Variants in TOX4 observed in about 807,000 individuals in gnomAD.
TOX4 encodes TOX high mobility group box family member 4, also known as epidermal Langerhans cell protein LCP1.
Under a neutral mutation model 61.0 loss-of-function variants are expected in TOX4, and 12 were observed. The observed-to-expected ratio is 0.20, with a 90% CI of 0.13 to 0.32. The LOEUF (loss-of-function observed/expected upper bound fraction) is 0.32, where lower values mean the gene tolerates loss of function less well. Ranked by LOEUF, TOX4 falls within the 10% of genes least tolerant of loss-of-function variation. The probability of loss-of-function intolerance (pLI) is 1.00; values close to 1 mark genes in which losing one functional copy is unlikely to be tolerated. For synonymous variants in TOX4, 268 were observed against 274.8 expected (o/e 0.98, Z 0.24); for missense variants, 499 against 753.3 (o/e 0.66, Z 3.95).
At chr14:21,480,881 G>A (rs1029362637) in intron 2 of TOX4, among the ~76,000 whole-genome samples, 2 of 152,064 alleles carry the variant, frequency 1.3e-5, no homozygotes, top group Admixed American at 6.6e-5. Context: ...ACCTGAGGTC[G>A]GGAGTTCAAG....
chr14:21,477,657 G>T (rs1262963880), intron 2 of TOX4, 93 bp downstream of exon 2: 13 of 1,440,778 alleles, frequency 9.0e-6, no homozygotes, highest in Non-Finnish European at 1.1e-5. Flanking sequence ...GGGGACGGGG[G>T]CTGGGAACCA....
intron 2 of TOX4, among the ~76,000 whole-genome samples, chr14:21,481,287 T>C (rs1207347792): frequency 2.0e-5 from 3 of 152,074 alleles, no homozygotes; most frequent in African/African-American, 7.2e-5. Context: ...CAAGCAACTC[T>C]CGTGCATCAA....
chr14:21,498,029 C>T lies in TOX4; in HGVS notation c.*1423C>T. On this transcript the variant is annotated 3_prime_UTR_variant, in exon 9 of 9. Coordinates refer to ENST00000448790, the MANE Select transcript of TOX4 (RefSeq NM_014828.4). ...TCCCATGCACTCATTTAGTTTGAAC[C>T]TTCACAGCAACCCAATGAGGTAATA... 2.0e-6 allele frequency: 1 copy of T among 510,606 alleles called. No individual in the cohort carries two copies. Among genetic ancestry groups the T allele is most frequent in the South Asian group, 2.6e-5 (1 of 38,958 alleles). 31.6% of individuals were successfully genotyped at this position (510,606 alleles called of 1,614,324 possible).
Position 21,498,775 on chromosome 14 carries a change from G to A in TOX4, c.*2169G>A, listed in dbSNP as rs112325189. The A allele has an allele frequency of 1.6e-5, 8 of 502,184 alleles. No individual in the cohort carries two copies. The Admixed American group carries it at 2.8e-4, about 18-fold the overall frequency. 31.1% of individuals were successfully genotyped at this position (502,184 alleles called of 1,614,324 possible). A position where few individuals can be genotyped will look rare whatever the true frequency, so the allele number is the denominator to read the frequency against. On this transcript the variant is annotated 3_prime_UTR_variant, in exon 9 of 9. Transcript: ENST00000448790. ...ATTCAATACATCACAGAATGGCTGAGGAAGATCCTTGGGTTGTGAAGAGAG... is the reference window on the plus strand; with the variant it reads ...ATTCAATACATCACAGAATGGCTGAAGAAGATCCTTGGGTTGTGAAGAGAG...
rs755297449 is a variant in TOX4 at position 21,496,541 on chromosome 14, C to G, written c.1806-5C>G. The G allele has an allele frequency of 6.2e-7, 1 of 1,611,092 alleles. No homozygotes were observed. Among genetic ancestry groups the G allele is most frequent in the African/African-American group, 1.3e-5 (1 of 74,868 alleles). ...TCTGTTTGTGTATGTCTTTTTCTCTCTTAGGGATGTATTCTTGGCCTGGGT... is the reference window on the plus strand; with the variant it reads ...TCTGTTTGTGTATGTCTTTTTCTCTGTTAGGGATGTATTCTTGGCCTGGGT... On this transcript the variant is annotated splice_polypyrimidine_tract_variant and splice_region_variant and intron_variant, in intron 8 of 8. Coordinates refer to ENST00000448790, the MANE Select transcript of TOX4 (RefSeq NM_014828.4).
At chr14:21,483,387 C>CTTTTTTTT (rs34480307) in intron 2 of TOX4, among the ~76,000 whole-genome samples, 1 of 143,228 alleles carries the variant, frequency 7.0e-6, no homozygotes. Context: ...GTTCCTATAA[C>CTTTTTTTT]TTTTTTTTTT....
chr14:21,477,217 C>T lies in TOX4; in HGVS notation c.-62C>T. The T allele has an allele frequency of 1.9e-6, 3 of 1,613,916 alleles. No individual in the cohort carries two copies. The highest frequency in any genetic ancestry group is 1.1e-5 in the South Asian group (1 of 91,066). ...GTCCTTGCGGAAGTGACGGCAGTTCCGAGTCCAGTGGGGGCGGTGGGAGCG... is the reference window on the plus strand; with the variant it reads ...GTCCTTGCGGAAGTGACGGCAGTTCTGAGTCCAGTGGGGGCGGTGGGAGCG... On this transcript the variant is annotated 5_prime_UTR_variant, in exon 1 of 9. Coordinates refer to ENST00000448790, the MANE Select transcript of TOX4 (RefSeq NM_014828.4).
intron 5 of TOX4, among the ~76,000 whole-genome samples, chr14:21,490,935 C>G (rs1891277867): frequency 6.6e-6 from 1 of 152,216 alleles, no homozygotes; most frequent in African/African-American, 2.4e-5. Flanking sequence ...AAGTGATTCT[C>G]CTGCCTCAGC....
rs951730441 is a variant in TOX4 at position 21,497,847 on chromosome 14, G to A, written c.*1241G>A. 1 of 155,006 alleles carries A rather than the reference G, an allele frequency of 6.5e-6. No individual in the cohort carries two copies. The highest frequency in any genetic ancestry group is 1.9e-4 in the East Asian group (1 of 5,292). The allele number at this position is 155,006 out of a possible 1,614,324, so 9.6% of individuals were successfully genotyped here. A position where few individuals can be genotyped will look rare whatever the true frequency, so the allele number is the denominator to read the frequency against. ...CAGCCTGCATTCCTGTTTTTTTAAT[G>A]GTTTTGGAGGGTAGCAGTAGAGATG... On this transcript the variant is annotated 3_prime_UTR_variant, in exon 9 of 9. Transcript: ENST00000448790.
At chr14:21,484,727 T>C in intron 2 of TOX4, among the ~76,000 whole-genome samples, 1 of 105,836 alleles carries the variant, frequency 9.4e-6, no homozygotes, top group African/African-American at 3.6e-5. Context: ...GGTGCAGTCT[T>C]GACTCACTGT....
At position 21,492,940 on chromosome 14, in the gene TOX4, C is replaced by T. The variant is rs766963498; in HGVS notation, c.1324C>T (p.Arg442Ter). ...AAASMQLPPP[R>*]LQPPPLQQMP... ...TGCTTCTATGCAACTGCCTCCACCC[C>T]GACTACAGCCCCCTCCATTACAACA... Residue 442 changes from arginine (R) to a stop codon, truncating the protein, a stop_gained, in exon 7 of 9, where the codon CGA becomes TGA. Coordinates refer to ENST00000448790, the MANE Select transcript of TOX4 (RefSeq NM_014828.4). LOFTEE classifies it high-confidence loss of function. 3.1e-6 allele frequency: 5 copies of T among 1,611,664 alleles called. No homozygotes were observed. Among genetic ancestry groups the T allele is most frequent in the Non-Finnish European group, 4.2e-6 (5 of 1,179,444 alleles).
chr14:21,478,012 C>T (rs1445906806), intron 2 of TOX4, among the ~76,000 whole-genome samples: 1 of 152,206 alleles, frequency 6.6e-6, no homozygotes, highest in Non-Finnish European at 1.5e-5. Flanking sequence ...TCTCGGCTCA[C>T]TGCAACCTCT....
chr14:21,488,746 G>T lies in TOX4; in HGVS notation c.475G>T (p.Gly159Cys), dbSNP rs769774255. Residue 159 changes from glycine to cysteine, a missense_variant, in exon 4 of 9, where the codon GGT (glycine) becomes TGT (cysteine). By Grantham distance (159) the Gly-to-Cys change is radical (BLOSUM62 -3). Transcript: ENST00000448790. The stretch of plus-strand genomic sequence containing the variant: ...TTCCCAGCTGGGTTTGAGCCTAGGG[G>T]GTGGCACCATCCTGCCACCTGCCCA... ...LSSQLGLSLG[G>C]GTILPPAQSP... 3.1e-6 allele frequency: 5 copies of T among 1,614,032 alleles called. No homozygotes were observed. Among genetic ancestry groups the T allele is most frequent in the Non-Finnish European group, 4.2e-6 (5 of 1,180,042 alleles).
In TOX4 at chr14:21,492,809, G is replaced by A. The variant is rs908505993; in HGVS notation, c.1193G>A (p.Arg398Gln). ...TVIPATVVTS[R>Q]GLQLGQTSTA... ...ATCCCAGCCACAGTGGTGACCTCCC[G>A]GGGGCTCCAACTAGGCCAAACCAGT... The change falls in exon 7 of 9, where the codon CGG becomes CAG. Residue 398 changes from arginine (R) to glutamine (Q), a missense_variant. Physicochemically the swap from Arg to Gln is conservative, Grantham distance 43 (BLOSUM62 1). Coordinates refer to ENST00000448790, the MANE Select transcript of TOX4 (RefSeq NM_014828.4). The A allele has an allele frequency of 5.6e-6, 9 of 1,613,888 alleles. No homozygotes were observed. The East Asian group carries it at 1.1e-4, about 20-fold the overall frequency.
At position 21,477,554 on chromosome 14, in the gene TOX4, C is replaced by T. The variant is rs777393283; in HGVS notation, c.65C>T (p.Ser22Leu). The T allele has an allele frequency of 1.2e-6, 2 of 1,613,598 alleles. No individual in the cohort carries two copies. Among genetic ancestry groups the T allele is most frequent in the Non-Finnish European group, 8.5e-7 (1 of 1,180,042 alleles). The change falls in exon 2 of 9, where the codon TCA becomes TTA. Residue 22 changes from serine (S) to leucine (L), a missense_variant. Ser to Leu is a moderately radical substitution (Grantham distance 145). Transcript: ENST00000448790. The part of the protein sequence containing the change: ...TITGPSHPFL[S>L]GAETFHTPSL... ...ACAGGGCCTTCGCACCCCTTCCTGT[C>T]AGGGGCCGAGGTGAGCCAGAGCTGC...
In TOX4 at chr14:21,489,246, A is replaced by G. The variant is rs2139625315; in HGVS notation, c.653A>G (p.Lys218Arg). The change falls in exon 5 of 9, where the codon AAA becomes AGA. Residue 218 changes from lysine to arginine, a missense_variant. Coordinates refer to ENST00000448790, the MANE Select transcript of TOX4 (RefSeq NM_014828.4). ...AAGGCCCCAAAGAAGAGAAAAAAGA[A>G]AGATCCTAATGAACCTCAGAAACCA... ...KQKAPKKRKKKDPNEPQKPVS... is the reference protein window; with the variant it reads ...KQKAPKKRKKRDPNEPQKPVS... The G allele has an allele frequency of 6.2e-7, 1 of 1,614,234 alleles. No homozygotes were observed. The highest frequency in any genetic ancestry group is 2.2e-5 in the East Asian group (1 of 44,890).
In TOX4 at chr14:21,498,493, A is replaced by C; in HGVS notation, c.*1887A>C. 1 of 868,314 alleles carries C rather than the reference A, an allele frequency of 1.2e-6. No individual in the cohort carries two copies. 53.8% of individuals were successfully genotyped at this position (868,314 alleles called of 1,614,324 possible). On this transcript the variant is annotated 3_prime_UTR_variant, in exon 9 of 9. Transcript: ENST00000448790. ...TATCAAATATGCCAATTCTAAAAAG[A>C]GCTTAACATTAGAATAGTATATGGT...
At chr14:21,492,153 T>C (rs1315967758) in intron 5 of TOX4, 143 bp from the exon 6 acceptor site, 3 of 775,112 alleles carry the variant, frequency 3.9e-6, no homozygotes, top group Non-Finnish European at 4.1e-6. Flanking sequence ...GACTGTTAGC[T>C]TTCAGAATTG....
chr14:21,492,649 T>G lies in TOX4; in HGVS notation c.1033T>G (p.Ser345Ala), dbSNP rs1238255383. The G allele has an allele frequency of 1.2e-6, 2 of 1,613,746 alleles. No homozygotes were observed. Among genetic ancestry groups the G allele is most frequent in the African/African-American group, 2.7e-5 (2 of 74,910 alleles). The change falls in exon 7 of 9, where the codon TCC (serine) becomes GCC (alanine). Residue 345 changes from serine to alanine, a missense_variant. Around this residue, in one of 7 missense-constraint regions of TOX4, gnomAD observed 296 missense variants for 404.7 expected, o/e 0.73. Transcript: ENST00000448790. Reference sequence around the variant, plus strand: ...CCTGTCCCCATCCATTGTTGTTAACTCCACCCTTTCATCCTATGTGGCAAA... The same window carrying G: ...CCTGTCCCCATCCATTGTTGTTAACGCCACCCTTTCATCCTATGTGGCAAA... ...PALSPSIVVN[S>A]TLSSYVANQA...
Sources: gnomAD v4.1 joint callset for allele counts (sites outside exome capture counted in the v4.1 genomes callset) on GRCh38, gnomAD v4.1.1 for gene constraint, gnomAD v4.1.1 regional missense constraint, MANE v1.5 for transcripts, NCBI Gene and HGNC (gene_info 2026-07-23, HGNC 2026-07-21) for gene names.